Variants in DACH1 observed in about 807,000 individuals in gnomAD.
DACH1 encodes dachshund family transcription factor 1, also known as dachshund homolog 1.
DACH1 carries 12 observed loss-of-function variants against 54.2 expected under a neutral mutation model. That is an observed-to-expected ratio of 0.22 (90% CI 0.14 to 0.36). The LOEUF is 0.36. DACH1 is among the 10% of genes least tolerant of loss of function. The pLI, the probability that DACH1 is intolerant of heterozygous loss-of-function variation, is 1.00. For synonymous variants in DACH1, 386 were observed against 366.2 expected (o/e 1.05, Z -0.62); for missense variants, 805 against 929.8 (o/e 0.87, Z 1.75).
intron 1 of DACH1, among the ~76,000 whole-genome samples, chr13:71,699,688 A>G (rs918522028): frequency 6.6e-6 from 1 of 152,210 alleles, no homozygotes; most frequent in Non-Finnish European, 1.5e-5. Flanking sequence ...CAATCCAAAT[A>G]ATTTCTCTTG....
chr13:71,747,883 T>A (rs1254673705), intron 1 of DACH1, among the ~76,000 whole-genome samples: 1 of 152,150 alleles, frequency 6.6e-6, no homozygotes, highest in Admixed American at 6.5e-5. Flanking sequence ...GGTAGGACTT[T>A]GGAGACCACC....
chr13:71,809,054 G>A (rs1887613148), intron 1 of DACH1, among the ~76,000 whole-genome samples: 1 of 152,104 alleles, frequency 6.6e-6, no homozygotes, highest in African/African-American at 2.4e-5. Context: ...GTTTCAATAG[G>A]GGAGGAATAA....
chr13:71,555,075 A>G (rs768311296), intron 6 of DACH1, among the ~76,000 whole-genome samples: 1 of 152,054 alleles, frequency 6.6e-6, no homozygotes, highest in Non-Finnish European at 1.5e-5. Flanking sequence ...GCTGCAAGAG[A>G]ATTTAGCTCT....
chr13:71,639,543 T>C (rs1194416085), intron 2 of DACH1, among the ~76,000 whole-genome samples: 2 of 152,112 alleles, frequency 1.3e-5, no homozygotes, highest in Non-Finnish European at 2.9e-5. Flanking sequence ...TTTGGAGATA[T>C]ATACAGTAAG....
At chr13:71,639,840 T>C (rs1877761258) in intron 2 of DACH1, among the ~76,000 whole-genome samples, 1 of 152,052 alleles carries the variant, frequency 6.6e-6, no homozygotes, top group African/African-American at 2.4e-5. Flanking sequence ...AAATCAACTG[T>C]TACCTAATTT....
chr13:71,697,664 T>G (rs1248943344), intron 1 of DACH1, among the ~76,000 whole-genome samples: 1 of 152,230 alleles, frequency 6.6e-6, no homozygotes, highest in Non-Finnish European at 1.5e-5. Flanking sequence ...GAAGTGTCAA[T>G]TTTTAATTAT....
intron 6 of DACH1, among the ~76,000 whole-genome samples, chr13:71,527,351 T>TA (rs1882053777): frequency 6.6e-6 from 1 of 152,178 alleles, no homozygotes; most frequent in Non-Finnish European, 1.5e-5. Context: ...TTGCATATCT[T>TA]ATAGTTACAA....
intron 6 of DACH1, among the ~76,000 whole-genome samples, chr13:71,509,428 A>C (rs1009342542): frequency 1.3e-5 from 2 of 152,166 alleles, no homozygotes; most frequent in Non-Finnish European, 2.9e-5. Flanking sequence ...CTAATAGATG[A>C]AAGGTGAATA....
At chr13:71,491,713 GACCCTAT>G (rs1878996994) in intron 6 of DACH1, among the ~76,000 whole-genome samples, 1 of 152,134 alleles carries the variant, frequency 6.6e-6, no homozygotes, top group East Asian at 1.9e-4. Context: ...TGGGTCTCAT[GACCCTAT>G]TATCAGACAT....
intron 10 of DACH1, among the ~76,000 whole-genome samples, chr13:71,442,937 G>C (rs993158090): frequency 4.6e-5 from 7 of 151,310 alleles, no homozygotes; most frequent in African/African-American, 1.7e-4. Flanking sequence ...CTATAGATAA[G>C]GAGGGACTAC....
intron 10 of DACH1, among the ~76,000 whole-genome samples, chr13:71,456,489 C>T (rs866769355): frequency 3.3e-5 from 5 of 151,954 alleles, no homozygotes; most frequent in East Asian, 1.9e-4. Context: ...GGTTAGATTT[C>T]GAGAAGCATT....
intron 2 of DACH1, among the ~76,000 whole-genome samples, chr13:71,666,394 T>C (rs545992776): frequency 6.6e-6 from 1 of 152,308 alleles, no homozygotes; most frequent in African/African-American, 2.4e-5. Context: ...TATTGTGGTC[T>C]GCATCTGCAA....
At chr13:71,497,859 GACACACACACACAC>G (rs6145114) in intron 6 of DACH1, among the ~76,000 whole-genome samples, 6,044 of 146,374 alleles carry the variant, frequency 0.041, 164 homozygotes, top group African/African-American at 0.08. Flanking sequence ...AATATGTGTT[GACACACACACACAC>G]ACACACACAC....
At chr13:71,541,143 A>C (rs1883104222) in intron 6 of DACH1, among the ~76,000 whole-genome samples, 1 of 151,980 alleles carries the variant, frequency 6.6e-6, no homozygotes, top group South Asian at 2.1e-4. Flanking sequence ...CTTATGGATA[A>C]TGAAGTTCAT....
At chr13:71,668,261 T>G (rs951877457) in intron 2 of DACH1, among the ~76,000 whole-genome samples, 1 of 152,232 alleles carries the variant, frequency 6.6e-6, no homozygotes, top group Admixed American at 6.5e-5. Context: ...TACATTTGCA[T>G]AGTTCTTTGG....
chr13:71,498,477 G>A (rs1445339560), intron 6 of DACH1, among the ~76,000 whole-genome samples: 3 of 152,044 alleles, frequency 2.0e-5, no homozygotes, highest in Non-Finnish European at 4.4e-5. Flanking sequence ...TGATTACGAG[G>A]CAATTTCACA....
At chr13:71,732,355 C>A (rs769650200) in intron 1 of DACH1, among the ~76,000 whole-genome samples, 2 of 151,932 alleles carry the variant, frequency 1.3e-5, no homozygotes, top group Non-Finnish European at 2.9e-5. Flanking sequence ...GAGGCCGAGG[C>A]GGATGAATCT....
intron 6 of DACH1, among the ~76,000 whole-genome samples, chr13:71,555,949 T>C (rs964460629): frequency 7.9e-5 from 12 of 152,332 alleles, no homozygotes; most frequent in Non-Finnish European, 1.5e-4. Flanking sequence ...TATTGTTTTC[T>C]CTCTGACATT....
At chr13:71,672,686 G>C (rs903869124) in intron 2 of DACH1, among the ~76,000 whole-genome samples, 3 of 152,026 alleles carry the variant, frequency 2.0e-5, no homozygotes, top group African/African-American at 7.2e-5. Context: ...TGTATTTCTC[G>C]CATTTCTTGG....
Sources: allele counts gnomAD v4.1 joint callset (sites outside exome capture counted in the v4.1 genomes callset), GRCh38; gene constraint gnomAD v4.1.1; transcripts MANE v1.5; gene names NCBI Gene and HGNC (gene_info 2026-07-23, HGNC 2026-07-21).